RLN1: variants seen among roughly 807,000 people sequenced by gnomAD.
RLN1 encodes the protein relaxin 1, also known as prorelaxin H1.
RLN1 carries 4 observed loss-of-function variants against 7.2 expected under a neutral mutation model. The ratio of observed to expected loss-of-function variants is 0.56; its 90% CI spans 0.28 to 1.28. The LOEUF (loss-of-function observed/expected upper bound fraction) is 1.28. Ranked by LOEUF, RLN1 falls within the 50% of genes most tolerant of loss-of-function variation. RLN1 has a pLI of 0.11. For synonymous variants in RLN1, 105 were observed against 86.0 expected (o/e 1.22, Z -1.22); for missense variants, 293 against 221.1 (o/e 1.32, Z -2.06).
At position 5,339,637 on chromosome 9, in the gene RLN1, C is replaced by T; in HGVS notation, c.110G>A (p.Arg37His). The T allele has an allele frequency of 1.2e-6, 2 of 1,612,702 alleles. No individual in the cohort carries two copies. The highest frequency in any genetic ancestry group is 1.7e-5 in the Admixed American group (1 of 59,964). The change falls in exon 1 of 2, where the codon CGC (arginine) becomes CAC (histidine). Residue 37 changes from arginine (R) to histidine (H), a missense_variant. Physicochemically the swap from Arg to His is conservative, Grantham distance 29. Coordinates refer to ENST00000223862, the MANE Select transcript of RLN1 (RefSeq NM_006911.4). ...WKDDVIKLCG[R>H]ELVRAQIAIC... is the part of the protein sequence containing the mutation. ...GGCAATCTGCGCGCGAACTAATTCGCGGCCGCATAATTTAATAACATCGTC... is the reference window on the plus strand; with the variant it reads ...GGCAATCTGCGCGCGAACTAATTCGTGGCCGCATAATTTAATAACATCGTC...
At chr9:5,340,606 T>G (rs930541097), upstream of RLN1, among the ~76,000 whole-genome samples, 1 of 152,042 alleles carries the variant, frequency 6.6e-6, no homozygotes, top group African/African-American at 2.4e-5. Context: ...TTCCCAGAAA[T>G]AATATTTTGA....
At chr9:5,336,792 A>G (rs1816903357) in intron 1 of RLN1, among the ~76,000 whole-genome samples, 1 of 151,976 alleles carries the variant, frequency 6.6e-6, no homozygotes, top group Non-Finnish European at 1.5e-5. Flanking sequence ...AAGAAAGAGA[A>G]GAGAGGAGTA....
At chr9:5,339,485 G>A in intron 1 of RLN1, 51 bp downstream of exon 1, 6 of 1,351,066 alleles carry the variant, frequency 4.4e-6, no homozygotes, top group Admixed American at 2.1e-5. Context: ...GGCCGCCCCA[G>A]AGTAACCAAT....
In RLN1 at chr9:5,335,497, C is replaced by G. The variant is rs1300601207; in HGVS notation, c.312G>C (p.Glu104Asp). The change falls in exon 2 of 2, where the codon GAG (glutamate) becomes GAC (aspartate). Residue 104 changes from glutamate to aspartate, a missense_variant. Transcript: ENST00000223862. ...LPPELKAALS[E>D]RQPSLPELQQ... ...GTAGCTCTGGTAATGATGGTTGCCT[C>G]TCAGATAGGGCTGCCTTCAGCTCCG... 1 of 1,613,058 alleles carries G rather than the reference C, an allele frequency of 6.2e-7. No individual in the cohort carries two copies. The highest frequency in any genetic ancestry group is 1.3e-5 in the African/African-American group (1 of 74,754).
chr9:5,336,071 T>G (rs1437946348), intron 1 of RLN1, among the ~76,000 whole-genome samples: 1 of 152,022 alleles, frequency 6.6e-6, no homozygotes, highest in African/African-American at 2.4e-5. Context: ...CAATGTTTCG[T>G]GGTGGGAATT....
At chr9:5,340,177 G>T (rs1816963516), upstream of RLN1, among the ~76,000 whole-genome samples, 1 of 152,076 alleles carries the variant, frequency 6.6e-6, no homozygotes, top group South Asian at 2.1e-4. Flanking sequence ...GTGAACATTT[G>T]CCAAAAACCC....
chr9:5,337,590 G>A (rs555452617), intron 1 of RLN1, among the ~76,000 whole-genome samples: 3 of 152,012 alleles, frequency 2.0e-5, no homozygotes, highest in South Asian at 2.1e-4. Context: ...GTGTAATAAC[G>A]TGAAAGCAAG....
intron 1 of RLN1, among the ~76,000 whole-genome samples, chr9:5,337,313 T>C (rs1250197357): frequency 1.3e-5 from 2 of 152,102 alleles, no homozygotes; most frequent in Admixed American, 1.3e-4. Flanking sequence ...ATTCAGTTTA[T>C]TCATAGGCTG....
chr9:5,337,835 A>G (rs996729601), intron 1 of RLN1, among the ~76,000 whole-genome samples: 11 of 152,090 alleles, frequency 7.2e-5, no homozygotes, highest in African/African-American at 2.4e-4. Context: ...GTAGCTAAAT[A>G]TCTATATACA....
In RLN1 at chr9:5,336,888, A is replaced by G. The variant is rs570041859; in HGVS notation, c.212-1291T>C. Among the ~76,000 whole-genome samples, 43 of 152,160 alleles carry G rather than the reference A, an allele frequency of 2.8e-4. 1 individual carries two copies. Among genetic ancestry groups the G allele is most frequent in the South Asian group, 2.1e-4 (1 of 4,824 alleles). The stretch of plus-strand genomic sequence containing the variant: ...CACGACCCTTCACCTAGACAGCGGT[A>G]GTTCTGGGGCTGATCATTTCCTGAG... On this transcript the variant is annotated intron_variant, in intron 1 of 1. Transcript: ENST00000223862.
chr9:5,340,524 AG>A (rs1297544100), upstream of RLN1, among the ~76,000 whole-genome samples: 1 of 151,644 alleles, frequency 6.6e-6, no homozygotes, highest in Non-Finnish European at 1.5e-5. Context: ...CCACACACAC[AG>A]AGAGAGAGAA....
rs781085120 is a variant in RLN1 at position 5,337,101 on chromosome 9, A to G, written c.212-1504T>C. ...GAAATGACAGATGAGAATTTATATCATTTTTGGTTAAATGACAGGTTTTGG... is the reference window on the plus strand; with the variant it reads ...GAAATGACAGATGAGAATTTATATCGTTTTTGGTTAAATGACAGGTTTTGG... On this transcript the variant is annotated intron_variant, in intron 1 of 1. Coordinates refer to ENST00000223862, the MANE Select transcript of RLN1 (RefSeq NM_006911.4). Among the ~76,000 whole-genome samples, 6 of 152,024 alleles carry G rather than the reference A, an allele frequency of 3.9e-5. 1 individual carries two copies. The highest frequency in any genetic ancestry group is 7.3e-5 in the African/African-American group (3 of 41,358).
chr9:5,339,730 A>C lies in RLN1; in HGVS notation c.17T>G (p.Leu6Trp). 6.2e-7 allele frequency: 1 copy of C among 1,613,494 alleles called. No individual in the cohort carries two copies. The change falls in exon 1 of 2, where the codon TTG (leucine) becomes TGG (tryptophan). Residue 6 changes from leucine (L) to tryptophan (W), a missense_variant. Coordinates refer to ENST00000223862, the MANE Select transcript of RLN1 (RefSeq NM_006911.4). MPRLF[L>W]FHLLEFCLLL... ...TAAACAGAATTCTAGCAGGTGGAAC[A>C]AGAACAGGCGAGGCATCCTGGGCCT... is the stretch of plus-strand genomic sequence containing the variant.
intron 1 of RLN1, among the ~76,000 whole-genome samples, chr9:5,338,026 T>C (rs868073662): frequency 0.012 from 1,820 of 151,148 alleles, 61 homozygotes; most frequent in African/African-American, 0.042. Flanking sequence ...ATGCAAAAGA[T>C]ATATACATAT....
rs1172907802 is a variant in RLN1 at position 5,339,535 on chromosome 9, C to G, written c.211+1G>C. On this transcript the variant is annotated splice_donor_variant, in intron 1 of 1. Transcript: ENST00000223862. LOFTEE classifies it high-confidence loss of function. ...GGCCGGGAGGGGGCGGGAGCTCTCACCTGCCACTGGTCTAGGTGTCTGAGG... is the reference window on the plus strand; with the variant it reads ...GGCCGGGAGGGGGCGGGAGCTCTCAGCTGCCACTGGTCTAGGTGTCTGAGG... The G allele has an allele frequency of 3.8e-6, 6 of 1,572,704 alleles. No individual in the cohort carries two copies. Among genetic ancestry groups the G allele is most frequent in the Non-Finnish European group, 5.2e-6 (6 of 1,162,064 alleles).
In RLN1 at chr9:5,335,204, A is replaced by C; in HGVS notation, c.*47T>G. ...ACAGAAGCATCAGTGAAATGTCATCAAGACTATGTGTGAAAATTAGACAAG... is the reference window on the plus strand; with the variant it reads ...ACAGAAGCATCAGTGAAATGTCATCCAGACTATGTGTGAAAATTAGACAAG... On this transcript the variant is annotated 3_prime_UTR_variant, in exon 2 of 2. Transcript: ENST00000223862. 8.4e-7 allele frequency: 1 copy of C among 1,189,270 alleles called. No homozygotes were observed. The highest frequency in any genetic ancestry group is 1.2e-6 in the Non-Finnish European group (1 of 838,606). The allele number at this position is 1,189,270 out of a possible 1,614,324, so 73.7% of individuals were successfully genotyped here.
chr9:5,336,455 C>A (rs1056485524), intron 1 of RLN1, among the ~76,000 whole-genome samples: 3 of 151,990 alleles, frequency 2.0e-5, no homozygotes, highest in African/African-American at 4.8e-5. Flanking sequence ...GGGCTGGGAA[C>A]CTGCTGGACA....
chr9:5,335,495 C>G lies in RLN1; in HGVS notation c.314G>C (p.Arg105Thr), dbSNP rs1471246331. The G allele has an allele frequency of 5.0e-6, 8 of 1,613,228 alleles. No individual in the cohort carries two copies. The South Asian group carries it at 5.5e-5, about 11-fold the overall frequency. The change falls in exon 2 of 2, where the codon AGG becomes ACG. Residue 105 changes from arginine (R) to threonine (T), a missense_variant. Physicochemically the swap from Arg to Thr is moderately conservative, Grantham distance 71 (BLOSUM62 -1). Transcript: ENST00000223862. The stretch of plus-strand genomic sequence containing the variant: ...CTGTAGCTCTGGTAATGATGGTTGC[C>G]TCTCAGATAGGGCTGCCTTCAGCTC... ...PPELKAALSE[R>T]QPSLPELQQY... is the part of the protein sequence containing the mutation.
upstream of RLN1, among the ~76,000 whole-genome samples, chr9:5,340,531 GAGAA>G (rs971906459): frequency 5.9e-5 from 9 of 152,080 alleles, no homozygotes; most frequent in African/African-American, 1.2e-4. Flanking sequence ...CACAGAGAGA[GAGAA>G]AGAGAGAGAG....
Sources: gnomAD v4.1 joint callset for allele counts (sites outside exome capture counted in the v4.1 genomes callset) on GRCh38, gnomAD v4.1.1 for gene constraint, MANE v1.5 for transcripts, NCBI Gene and HGNC (gene_info 2026-07-23, HGNC 2026-07-21) for gene names.